Variants in NDUFC1 observed in about 807,000 individuals in gnomAD.
The protein encoded by NDUFC1 is NADH:ubiquinone oxidoreductase subunit C1, also known as NADH dehydrogenase [ubiquinone] 1 subunit C1, mitochondrial.
Under a neutral mutation model 11.6 loss-of-function variants are expected in NDUFC1, and 11 were observed. The observed-to-expected ratio is 0.95, with a 90% CI of 0.60 to 1.58. The LOEUF (loss-of-function observed/expected upper bound fraction) is 1.58, where lower values mean the gene tolerates loss of function less well. NDUFC1 is among the 40% of genes most tolerant of loss of function. The probability of loss-of-function intolerance (pLI) is 0.00; values close to 1 mark genes in which losing one functional copy is unlikely to be tolerated. For missense variants in NDUFC1, 112 were observed against 93.0 expected, an observed-to-expected ratio of 1.20 and a Z score of -0.84; for synonymous variants, 52 against 42.2, an observed-to-expected ratio of 1.23 and a Z score of -0.90.
intron 2 of NDUFC1, among the ~76,000 whole-genome samples, chr4:139,297,070 G>GT (rs1745502947): frequency 6.6e-6 from 1 of 152,172 alleles, no homozygotes; most frequent in Admixed American, 6.5e-5. Flanking sequence ...TCATGCTCAA[G>GT]TAAGTAAACT....
rs913545428 is a variant in NDUFC1, at chr4:139,297,422, C to A, written c.-200G>T. The A allele has an allele frequency of 2.0e-5, 3 of 152,202 alleles. No individual in the cohort carries two copies. Among genetic ancestry groups the A allele is most frequent in the Middle Eastern group, 3.4e-3 (1 of 294 alleles). 9.4% of individuals were successfully genotyped at this position (152,202 alleles called of 1,614,324 possible). A position where few individuals can be genotyped will look rare whatever the true frequency, so the allele number is the denominator to read the frequency against. On this transcript the variant is annotated 5_prime_UTR_variant, in exon 2 of 6. Coordinates refer to ENST00000394223, the MANE Select transcript of NDUFC1 (RefSeq NM_001184989.2). ...GATGGGAACTGTACACTTGGAGTAC[C>A]CAGCTGTATGTGAAACTGCATCTAG... is the stretch of plus-strand genomic sequence containing the variant.
At chr4:139,302,052 G>A in intron 1 of NDUFC1, 1 of 440,362 alleles carries the variant, frequency 2.3e-6, no homozygotes, top group African/African-American at 2.0e-5. Context: ...CCACGCTTGA[G>A]GCCCTGGTTC....
intron 1 of NDUFC1, chr4:139,300,901 T>A (rs1475450772): frequency 6.6e-6 from 1 of 152,232 alleles, no homozygotes; most frequent in Non-Finnish European, 1.5e-5. Flanking sequence ...AGTGCAAATA[T>A]GTCACTTCGG....
intron 4 of NDUFC1, 148 bp downstream of exon 4, chr4:139,294,895 A>C: frequency 1.8e-6 from 1 of 563,094 alleles, no homozygotes; most frequent in Admixed American, 3.0e-5. Flanking sequence ...TTATGGAAAA[A>C]TACGTATCAG....
At chr4:139,297,333 T>C (rs983089576) in intron 2 of NDUFC1, 52 bp downstream of exon 2, 29 of 152,240 alleles carry the variant, frequency 1.9e-4, no homozygotes, top group African/African-American at 6.8e-4. Context: ...TTGTATCCTT[T>C]TACTAGTGTG....
At chr4:139,301,764 G>A (rs1001683099) in intron 1 of NDUFC1, 4 of 1,566,734 alleles carry the variant, frequency 2.6e-6, no homozygotes, top group African/African-American at 2.7e-5. Flanking sequence ...GGAGCAGCGG[G>A]AGCAGCCGGA....
chr4:139,293,761 G>GT (rs1218577717), intron 4 of NDUFC1, among the ~76,000 whole-genome samples: 1 of 152,092 alleles, frequency 6.6e-6, no homozygotes, highest in East Asian at 1.9e-4. Flanking sequence ...CAGAGGCAGT[G>GT]TTTCACAGTC....
intron 1 of NDUFC1, 60 bp downstream of exon 1, chr4:139,302,356 G>A (rs1159856667): frequency 6.5e-6 from 1 of 153,868 alleles, no homozygotes; most frequent in Non-Finnish European, 1.4e-5. Flanking sequence ...GTCACCCAAT[G>A]ACCTGAGAGG....
In NDUFC1 at chr4:139,293,930, A is replaced by ATTTTTTTTTTTTTTTTTTTTTT; in HGVS notation, c.171+1091_171+1112dup. 2.9e-5 allele frequency among the ~76,000 whole-genome samples: 2 copies of ATTTTTTTTTTTTTTTTTTTTTT among 69,716 alleles called. 1 individual carries two copies. The highest frequency in any genetic ancestry group is 1.3e-4 in the African/African-American group (2 of 15,728). 45.7% of individuals were successfully genotyped at this position (69,716 alleles called of 152,430 possible). A position where few individuals can be genotyped will look rare whatever the true frequency, so the allele number is the denominator to read the frequency against. On this transcript the variant is annotated intron_variant, in intron 4 of 5. Coordinates refer to ENST00000394223, the MANE Select transcript of NDUFC1 (RefSeq NM_001184989.2). ...TTTATGTGTAAAGCATGTGGTGTGA[A>ATTTTTTTTTTTTTTTTTTTTTT]TTTTTTTTTTTTTTTTTTTTTTTTT...
chr4:139,299,289 A>G (rs1475616412), intron 1 of NDUFC1, among the ~76,000 whole-genome samples: 3 of 150,950 alleles, frequency 2.0e-5, no homozygotes, highest in Non-Finnish European at 4.4e-5. Flanking sequence ...TTTAAATAAG[A>G]TCCAAGTACT....
rs1195859194 is a variant in NDUFC1 at position 139,290,819 on chromosome 4, CAG to C, written c.*21-729_*21-728del. Among the ~76,000 whole-genome samples, 6 of 151,398 alleles carry C rather than the reference CAG, an allele frequency of 4.0e-5. No homozygotes were observed. In the East Asian group the frequency reaches 1.2e-3, roughly 29 times the overall value. Reference sequence around the variant, plus strand: ...TTTATTCATTCATTTATTTTTGAGACAGAGTCTTGTTCTGTTGCCCAGGCTGG... The same window carrying C: ...TTTATTCATTCATTTATTTTTGAGACAGTCTTGTTCTGTTGCCCAGGCTGG... On this transcript the variant is annotated intron_variant, in intron 5 of 5. Transcript: ENST00000394223.
At chr4:139,295,019 G>A (rs1228954981) in intron 4 of NDUFC1, 24 bp downstream of exon 4, 1 of 1,573,842 alleles carries the variant, frequency 6.4e-7, no homozygotes, top group Non-Finnish European at 8.7e-7. Context: ...GTAGTCTCAC[G>A]ACATCCGGGA....
intron 1 of NDUFC1, among the ~76,000 whole-genome samples, chr4:139,297,919 A>G (rs1295972055): frequency 6.6e-6 from 1 of 152,094 alleles, no homozygotes; most frequent in African/African-American, 2.4e-5. Context: ...TTTTTTAAAA[A>G]ATTAGCTGGG....
At chr4:139,301,890 A>AC (rs952750462) in intron 1 of NDUFC1, 2 of 1,524,428 alleles carry the variant, frequency 1.3e-6, no homozygotes, top group African/African-American at 2.8e-5. Flanking sequence ...CGGGCCTGTC[A>AC]CCCCTAACCT....
At chr4:139,301,846 C>T (rs569978566) in intron 1 of NDUFC1, 4 of 1,583,972 alleles carry the variant, frequency 2.5e-6, no homozygotes, top group East Asian at 2.4e-5. Context: ...GTGTGAGGCT[C>T]CGGGCAAGCG....
At chr4:139,293,080 A>C (rs1745302120) in intron 4 of NDUFC1, among the ~76,000 whole-genome samples, 2 of 152,172 alleles carry the variant, frequency 1.3e-5, no homozygotes, top group African/African-American at 4.8e-5. Context: ...TCGGCCTCCC[A>C]AAGTGTTGGG....
chr4:139,296,055 TTCA>T (rs1745459649), intron 2 of NDUFC1, 95 bp from the exon 3 acceptor site: 7 of 490,106 alleles, frequency 1.4e-5, no homozygotes, highest in South Asian at 6.2e-5. Flanking sequence ...TCTACGGCTA[TTCA>T]TCAAGAGGTT....
Position 139,291,627 on chromosome 4 carries a change from A to C in NDUFC1, c.*20+903T>G, listed in dbSNP as rs563218317. On this transcript the variant is annotated intron_variant, in intron 5 of 5. Transcript: ENST00000394223. ...TACATTCATCACTTCTACAAATATT[A>C]AACTCCTAAATGGACCAGATGAGCA... Among the ~76,000 whole-genome samples the C allele has an allele frequency of 2.0e-5, 3 of 152,248 alleles. No individual in the cohort carries two copies. In the East Asian group the frequency reaches 5.8e-4, roughly 29 times the overall value.
At chr4:139,295,596 G>T in intron 3 of NDUFC1, 136 bp downstream of exon 3, 1 of 901,166 alleles carries the variant, frequency 1.1e-6, no homozygotes, top group Non-Finnish European at 1.7e-6. Flanking sequence ...GCGTGGGCTG[G>T]GCCTTGGGTC....
Sources: gnomAD v4.1 joint callset for allele counts (sites outside exome capture counted in the v4.1 genomes callset) on GRCh38, gnomAD v4.1.1 for gene constraint, MANE v1.5 for transcripts, NCBI Gene and HGNC (gene_info 2026-07-23, HGNC 2026-07-21) for gene names.